Variants in ZNF804A observed in about 807,000 individuals in gnomAD.
ZNF804A encodes zinc finger protein 804A.
In ZNF804A, 2 loss-of-function variants were observed where a neutral mutation model predicts 16.5. The observed-to-expected ratio is 0.12, with a 90% CI of 0.05 to 0.38. The LOEUF (loss-of-function observed/expected upper bound fraction) is 0.38, where lower values mean the gene tolerates loss of function less well. Ranked by LOEUF, ZNF804A falls within the 10% of genes least tolerant of loss-of-function variation. The pLI, the probability that ZNF804A is intolerant of heterozygous loss-of-function variation, is 0.99. For synonymous variants in ZNF804A, 534 were observed against 489.6 expected, an observed-to-expected ratio of 1.09 and a Z score of -1.20; for missense variants, 1,473 against 1,390.7, an observed-to-expected ratio of 1.06 and a Z score of -0.94.
chr2:184,908,063 A>C (rs1025193296), intron 2 of ZNF804A, among the ~76,000 whole-genome samples: 1 of 152,138 alleles, frequency 6.6e-6, no homozygotes, highest in African/African-American at 2.4e-5. Context: ...ATTAGTTTCC[A>C]ATTGCTTCTG....
At chr2:184,743,643 A>G (rs1693740584) in intron 1 of ZNF804A, among the ~76,000 whole-genome samples, 1 of 151,932 alleles carries the variant, frequency 6.6e-6, no homozygotes, top group African/African-American at 2.4e-5. Context: ...ATAAATATCA[A>G]ATTAGAAAAT....
chr2:184,921,579 C>T (rs1364007315), intron 2 of ZNF804A, among the ~76,000 whole-genome samples: 2 of 152,136 alleles, frequency 1.3e-5, no homozygotes, highest in East Asian at 1.9e-4. Flanking sequence ...ATAAGAATTA[C>T]ATCAGAGTAC....
At chr2:184,901,723 G>A (rs1425250474) in intron 2 of ZNF804A, among the ~76,000 whole-genome samples, 2 of 151,944 alleles carry the variant, frequency 1.3e-5, no homozygotes, top group African/African-American at 4.8e-5. Flanking sequence ...AAAGCCATTC[G>A]TGTGTATTAA....
chr2:184,694,514 A>T (rs1473212327), intron 1 of ZNF804A, among the ~76,000 whole-genome samples: 2 of 152,152 alleles, frequency 1.3e-5, no homozygotes, highest in Non-Finnish European at 2.9e-5. Flanking sequence ...CAGGATATAC[A>T]TGTGTGTTTA....
rs141326418 is a variant in ZNF804A, at chr2:184,906,339, C to T, written c.256-27264C>T. The stretch of plus-strand genomic sequence containing the variant: ...TTTGAGGCAGGGTCTTGCTCTGTCA[C>T]CCTGGATGGAGTGCAGTGATGCAAT... On this transcript the variant is annotated intron_variant, in intron 2 of 3. Transcript: ENST00000302277. Among the ~76,000 whole-genome samples the T allele has an allele frequency of 2.7e-3, 418 of 152,198 alleles. 2 individuals carry two copies. Among genetic ancestry groups the T allele is most frequent in the African/African-American group, 9.1e-3 (379 of 41,556 alleles).
At chr2:184,789,793 A>G (rs1043835297) in intron 1 of ZNF804A, among the ~76,000 whole-genome samples, 1 of 151,740 alleles carries the variant, frequency 6.6e-6, no homozygotes, top group Non-Finnish European at 1.5e-5. Flanking sequence ...AGTTTCATTG[A>G]TTCTTTGTAT....
chr2:184,644,837 T>C (rs1691847998), intron 1 of ZNF804A, among the ~76,000 whole-genome samples: 1 of 152,100 alleles, frequency 6.6e-6, no homozygotes, highest in Non-Finnish European at 1.5e-5. Context: ...ATTTTTCTTT[T>C]ATTTTTTAAG....
intron 2 of ZNF804A, among the ~76,000 whole-genome samples, chr2:184,877,012 G>T (rs1684700588): frequency 6.6e-6 from 1 of 151,610 alleles, no homozygotes; most frequent in Admixed American, 6.6e-5. Flanking sequence ...ACTTTTATAT[G>T]CATTAAAAAA....
At chr2:184,603,113 T>C (rs1434696663) in intron 1 of ZNF804A, among the ~76,000 whole-genome samples, 1 of 152,186 alleles carries the variant, frequency 6.6e-6, no homozygotes, top group African/African-American at 2.4e-5. Context: ...TGAAATACTA[T>C]GTTCCGCAAG....
At chr2:184,866,217 A>G (rs1695875008) in intron 1 of ZNF804A, 152 bp from the exon 2 acceptor site, 2 of 590,824 alleles carry the variant, frequency 3.4e-6, no homozygotes, top group Non-Finnish European at 5.6e-6. Context: ...GTTATAATTT[A>G]TTCTAACTTG....
At chr2:184,604,979 T>C (rs1691119847) in intron 1 of ZNF804A, among the ~76,000 whole-genome samples, 2 of 152,190 alleles carry the variant, frequency 1.3e-5, no homozygotes, top group African/African-American at 4.8e-5. Context: ...TATTTTGCTG[T>C]TGTTTTTGAC....
At chr2:184,790,201 T>G (rs532070757) in intron 1 of ZNF804A, among the ~76,000 whole-genome samples, 7 of 152,138 alleles carry the variant, frequency 4.6e-5, no homozygotes, top group African/African-American at 1.4e-4. Flanking sequence ...TTGGTACAAC[T>G]TCATGTTTTT....
chr2:184,716,033 A>T (rs974253328), intron 1 of ZNF804A, among the ~76,000 whole-genome samples: 3 of 152,178 alleles, frequency 2.0e-5, no homozygotes, highest in Non-Finnish European at 4.4e-5. Context: ...AAAATCCATT[A>T]TTCCTATCAG....
chr2:184,884,465 G>A (rs1684856080), intron 2 of ZNF804A, among the ~76,000 whole-genome samples: 1 of 151,768 alleles, frequency 6.6e-6, no homozygotes, highest in Non-Finnish European at 1.5e-5. Context: ...AAATTCATAT[G>A]GAGCCAAACA....
At chr2:184,851,519 C>A (rs1229266280) in intron 1 of ZNF804A, among the ~76,000 whole-genome samples, 2 of 151,892 alleles carry the variant, frequency 1.3e-5, no homozygotes, top group Non-Finnish European at 2.9e-5. Flanking sequence ...GGACTTTCTT[C>A]TCTTTAAAGA....
chr2:184,928,669 T>C (rs889960475), intron 2 of ZNF804A, among the ~76,000 whole-genome samples: 2 of 152,198 alleles, frequency 1.3e-5, no homozygotes, highest in African/African-American at 4.8e-5. Context: ...CAGAGCCCTC[T>C]GGCCCAAGGT....
At chr2:184,817,625 A>G (rs990341250) in intron 1 of ZNF804A, among the ~76,000 whole-genome samples, 2 of 151,994 alleles carry the variant, frequency 1.3e-5, no homozygotes, top group African/African-American at 4.8e-5. Flanking sequence ...AAAGGAGCAT[A>G]TTGTAACCCA....
At chr2:184,874,250 T>C (rs1696018389) in intron 2 of ZNF804A, among the ~76,000 whole-genome samples, 1 of 152,112 alleles carries the variant, frequency 6.6e-6, no homozygotes, top group African/African-American at 2.4e-5. Context: ...AGAGGTGATG[T>C]AGGATGATGG....
intron 1 of ZNF804A, among the ~76,000 whole-genome samples, chr2:184,702,692 G>A (rs1022146928): frequency 1.3e-5 from 2 of 152,064 alleles, no homozygotes; most frequent in African/African-American, 4.8e-5. Flanking sequence ...ACGTACATAT[G>A]TCGTAAAGTA....
Sources: allele counts gnomAD v4.1 joint callset (sites outside exome capture counted in the v4.1 genomes callset), GRCh38; gene constraint gnomAD v4.1.1; transcripts MANE v1.5; gene names NCBI Gene and HGNC (gene_info 2026-07-23, HGNC 2026-07-21).